The following RGS18 variants were observed in gnomAD, a reference collection of about 807,000 sequenced individuals.
RGS18 encodes the protein regulator of G protein signaling 18, also known as regulator of G-protein signaling 18.
In RGS18, 22 loss-of-function variants were observed where a neutral mutation model predicts 27.6. The ratio of observed to expected loss-of-function variants is 0.80; its 90% CI spans 0.57 to 1.14. The LOEUF is 1.14. RGS18 is among the 50% of genes most tolerant of loss of function. The pLI is 0.00. For synonymous variants in RGS18, 89 were observed against 84.6 expected (o/e 1.05, Z -0.29); for missense variants, 299 against 269.6 (o/e 1.11, Z -0.76).
At chr1:192,165,126 TC>T (rs1245560030) in intron 3 of RGS18, among the ~76,000 whole-genome samples, 1 of 152,068 alleles carries the variant, frequency 6.6e-6, no homozygotes, top group East Asian at 1.9e-4. Flanking sequence ...AAGAATGGAT[TC>T]CCCGGGGAGG....
chr1:192,183,155 GT>G (rs541316807), intron 4 of RGS18, among the ~76,000 whole-genome samples: 1 of 151,318 alleles, frequency 6.6e-6, no homozygotes, highest in Non-Finnish European at 1.5e-5. Context: ...GTTTTACATA[GT>G]TTTTTTTATA....
At position 192,184,464 on chromosome 1, in the gene RGS18, T is replaced by G; in HGVS notation, c.618T>G (p.Pro206=). 1 of 1,611,718 alleles carries G rather than the reference T, an allele frequency of 6.2e-7. No individual in the cohort carries two copies. The highest frequency in any genetic ancestry group is 1.1e-5 in the South Asian group (1 of 91,026). The part of the protein sequence containing the change: ...DIYLDLMEGR[P]QRPTNLRRRS... ...ATTTAGACTTGATGGAAGGAAGACC[T>G]CAGAGACCAACAAATCTTAGGAGAC... Residue 206 remains proline (P), a synonymous_variant, in exon 5 of 5, where the codon CCT becomes CCG. Transcript: ENST00000367460.
rs1287762359 is a variant in RGS18 at position 192,184,418 on chromosome 1, G to A, written c.572G>A (p.Arg191His). 3.1e-6 allele frequency: 5 copies of A among 1,611,692 alleles called. No individual in the cohort carries two copies. The highest frequency in any genetic ancestry group is 3.3e-5 in the Admixed American group (2 of 59,756). The change falls in exon 5 of 5, where the codon CGT (arginine) becomes CAT (histidine). Residue 191 changes from arginine to histidine, a missense_variant. Physicochemically the swap from Arg to His is conservative, Grantham distance 29. Coordinates refer to ENST00000367460, the MANE Select transcript of RGS18 (RefSeq NM_130782.3). ...CTCATGGAACAAGACAGTTATACACGTTTTCTGAAATCTGACATCTATTTA... is the reference window on the plus strand; with the variant it reads ...CTCATGGAACAAGACAGTTATACACATTTTCTGAAATCTGACATCTATTTA... Reference protein sequence around the residue: ...YQLMEQDSYTRFLKSDIYLDL... With the variant: ...YQLMEQDSYTHFLKSDIYLDL...
chr1:192,160,012 G>T (rs1656042520), intron 2 of RGS18, among the ~76,000 whole-genome samples: 1 of 151,762 alleles, frequency 6.6e-6, no homozygotes. Context: ...TTAACTGAAA[G>T]ATACTGTGAG....
intron 3 of RGS18, among the ~76,000 whole-genome samples, chr1:192,179,726 T>C (rs1656418608): frequency 6.6e-6 from 1 of 151,612 alleles, no homozygotes; most frequent in Non-Finnish European, 1.5e-5. Context: ...TACTACATGA[T>C]TTAATTTATA....
At chr1:192,181,799 C>G (rs191862998) in intron 4 of RGS18, among the ~76,000 whole-genome samples, 1 of 151,632 alleles carries the variant, frequency 6.6e-6, no homozygotes, top group Admixed American at 6.6e-5. Context: ...AGAACTTATT[C>G]TTCCTATCTA....
chr1:192,181,753 T>C (rs762979327), intron 4 of RGS18, among the ~76,000 whole-genome samples: 1 of 151,612 alleles, frequency 6.6e-6, no homozygotes, highest in Non-Finnish European at 1.5e-5. Context: ...CATGTATTAT[T>C]ATTCACTATA....
At chr1:192,164,903 A>G (rs1261209789) in intron 3 of RGS18, among the ~76,000 whole-genome samples, 1 of 152,142 alleles carries the variant, frequency 6.6e-6, no homozygotes, top group Non-Finnish European at 1.5e-5. Context: ...ATTGTTCGTA[A>G]AGCATGTGTG....
At chr1:192,167,437 T>C (rs560418621) in intron 3 of RGS18, among the ~76,000 whole-genome samples, 3 of 151,978 alleles carry the variant, frequency 2.0e-5, no homozygotes, top group Non-Finnish European at 4.4e-5. Context: ...TTTTTTTTTT[T>C]TATATTGAAT....
At chr1:192,176,239 T>A (rs1384529283) in intron 3 of RGS18, among the ~76,000 whole-genome samples, 2 of 151,864 alleles carry the variant, frequency 1.3e-5, no homozygotes, top group African/African-American at 4.8e-5. Flanking sequence ...TAGTACAAGG[T>A]CACTCAAACT....
At chr1:192,171,189 C>T (rs1382808129) in intron 3 of RGS18, among the ~76,000 whole-genome samples, 1 of 151,958 alleles carries the variant, frequency 6.6e-6, no homozygotes, top group East Asian at 1.9e-4. Flanking sequence ...TTATATTTCC[C>T]TTTTACAGTC....
At chr1:192,181,079 C>T (rs990132232) in intron 3 of RGS18, among the ~76,000 whole-genome samples, 7 of 151,508 alleles carry the variant, frequency 4.6e-5, no homozygotes, top group Non-Finnish European at 8.9e-5. Flanking sequence ...GAGATACTGG[C>T]CTTATTTCAG....
intron 3 of RGS18, among the ~76,000 whole-genome samples, chr1:192,178,215 A>G (rs541643705): frequency 4.6e-5 from 7 of 151,732 alleles, no homozygotes; most frequent in Admixed American, 2.0e-4. Context: ...CTGAGTGGAT[A>G]GCGTCATTAA....
chr1:192,170,941 T>C (rs934598627), intron 3 of RGS18, among the ~76,000 whole-genome samples: 15 of 152,080 alleles, frequency 9.9e-5, no homozygotes, highest in Non-Finnish European at 2.2e-4. Flanking sequence ...CAAATGCAGG[T>C]GGTGAAAGGC....
Position 192,184,696 on chromosome 1 carries a change from T to TCTGCTAAC in RGS18, c.*143_*150dup, listed in dbSNP as rs1338344701. On this transcript the variant is annotated 3_prime_UTR_variant, in exon 5 of 5. Transcript: ENST00000367460. ...TTTTAAAAATGTAAAAACAAAACTTTCTGCTAACAAAATACATACAGTATC... is the reference window on the plus strand; with the variant it reads ...TTTTAAAAATGTAAAAACAAAACTTTCTGCTAACCTGCTAACAAAATACATACAGTATC... 1 of 776,584 alleles carries TCTGCTAAC rather than the reference T, an allele frequency of 1.3e-6. No individual in the cohort carries two copies. Among genetic ancestry groups the TCTGCTAAC allele is most frequent in the Non-Finnish European group, 2.0e-6 (1 of 493,472 alleles). The allele number at this position is 776,584 out of a possible 1,614,324, so 48.1% of individuals were successfully genotyped here. A position where few individuals can be genotyped will look rare whatever the true frequency, so the allele number is the denominator to read the frequency against.
intron 3 of RGS18, chr1:192,163,610 C>T (rs1003064704): frequency 2.0e-5 from 3 of 152,074 alleles, no homozygotes; most frequent in Admixed American, 6.5e-5. Flanking sequence ...GAAATCAGCA[C>T]TGACCCACTG....
At chr1:192,159,460 A>T (rs1031841790) in intron 2 of RGS18, 139 bp downstream of exon 2, 1 of 633,946 alleles carries the variant, frequency 1.6e-6, no homozygotes, top group Admixed American at 2.9e-5. Context: ...ATTTGAAGAG[A>T]CTAGAAATAT....
intron 3 of RGS18, among the ~76,000 whole-genome samples, chr1:192,171,618 T>A (rs1415418577): frequency 6.6e-6 from 1 of 152,090 alleles, no homozygotes; most frequent in East Asian, 1.9e-4. Context: ...ACCTATGTCA[T>A]CCTTTTCTTG....
At chr1:192,179,842 G>A (rs989095489) in intron 3 of RGS18, among the ~76,000 whole-genome samples, 2 of 151,458 alleles carry the variant, frequency 1.3e-5, no homozygotes, top group Non-Finnish European at 3.0e-5. Context: ...CTGTAAAAGG[G>A]CAACATGTGT....
Sources: gnomAD v4.1 joint callset for allele counts (sites outside exome capture counted in the v4.1 genomes callset) on GRCh38, gnomAD v4.1.1 for gene constraint, MANE v1.5 for transcripts, NCBI Gene and HGNC (gene_info 2026-07-23, HGNC 2026-07-21) for gene names.